UGT8: variants seen among roughly 807,000 people sequenced by gnomAD.
The protein encoded by UGT8 is UDP glycosyltransferase 8.
UGT8 carries 12 observed loss-of-function variants against 40.5 expected under a neutral mutation model. That is an observed-to-expected ratio of 0.30 (90% CI 0.19 to 0.48). The LOEUF (loss-of-function observed/expected upper bound fraction) is 0.48. UGT8 is among the 20% of genes least tolerant of loss of function. The probability of loss-of-function intolerance (pLI) is 0.99; values close to 1 mark genes in which losing one functional copy is unlikely to be tolerated. For missense variants in UGT8, 513 were observed against 648.7 expected, an observed-to-expected ratio of 0.79 and a Z score of 2.27; for synonymous variants, 224 against 240.4, an observed-to-expected ratio of 0.93 and a Z score of 0.63.
At chr4:114,661,879 AT>A (rs1274642796) in intron 2 of UGT8, among the ~76,000 whole-genome samples, 1 of 152,174 alleles carries the variant, frequency 6.6e-6, no homozygotes, top group Non-Finnish European at 1.5e-5. Context: ...TAAAGGCTAT[AT>A]ATGGTGCTTA....
chr4:114,646,240 C>T (rs1008729309), intron 2 of UGT8, among the ~76,000 whole-genome samples: 5 of 151,808 alleles, frequency 3.3e-5, no homozygotes, highest in African/African-American at 4.8e-5. Flanking sequence ...AAAAGAACCC[C>T]GAATCAGATA....
intron 2 of UGT8, among the ~76,000 whole-genome samples, chr4:114,660,426 C>T (rs1008326962): frequency 1.3e-5 from 2 of 151,960 alleles, no homozygotes; most frequent in African/African-American, 4.8e-5. Context: ...ATGTTTATGC[C>T]ATTAAGTTGT....
At chr4:114,645,132 A>G (rs562360027) in intron 2 of UGT8, among the ~76,000 whole-genome samples, 8 of 152,294 alleles carry the variant, frequency 5.3e-5, no homozygotes, top group African/African-American at 9.6e-5. Context: ...AGAACATTCA[A>G]TGAGCAAAAA....
chr4:114,636,990 CT>C (rs1442378293), intron 2 of UGT8, among the ~76,000 whole-genome samples: 1 of 152,138 alleles, frequency 6.6e-6, no homozygotes, highest in Non-Finnish European at 1.5e-5. Context: ...AACATATTAC[CT>C]TTCAAGCAGT....
At chr4:114,663,958 G>C (rs1237250455) in intron 2 of UGT8, 37 bp from the exon 3 acceptor site, 1 of 1,608,816 alleles carries the variant, frequency 6.2e-7, no homozygotes, top group Non-Finnish European at 8.5e-7. Flanking sequence ...AACTACATTG[G>C]TCTTCGTAAA....
intron 2 of UGT8, among the ~76,000 whole-genome samples, chr4:114,629,382 C>G (rs1331105023): frequency 1.3e-5 from 2 of 152,020 alleles, no homozygotes; most frequent in Non-Finnish European, 2.9e-5. Context: ...ATGTGAGTAC[C>G]TCAAAAGGTT....
In UGT8 at chr4:114,676,864, A is replaced by G. The variant is rs1250430032; in HGVS notation, c.*576A>G. The G allele has an allele frequency of 6.6e-6, 1 of 151,686 alleles. No individual in the cohort carries two copies. Among genetic ancestry groups the G allele is most frequent in the East Asian group, 1.9e-4 (1 of 5,196 alleles). The allele number at this position is 151,686 out of a possible 1,614,324, so 9.4% of individuals were successfully genotyped here. The stretch of plus-strand genomic sequence containing the variant: ...CCCAAAACTGGATGCAGAGGAAGAA[A>G]AAAAAAAAAGAAATGGCACAGTTTT... On this transcript the variant is annotated 3_prime_UTR_variant, in exon 6 of 6. Transcript: ENST00000310836.
intron 2 of UGT8, among the ~76,000 whole-genome samples, chr4:114,633,440 C>T (rs1261115994): frequency 6.6e-6 from 1 of 152,076 alleles, no homozygotes; most frequent in Non-Finnish European, 1.5e-5. Flanking sequence ...AACACCCACC[C>T]CAAAGTGGGA....
intron 2 of UGT8, among the ~76,000 whole-genome samples, chr4:114,656,506 C>G (rs1338643610): frequency 6.6e-6 from 1 of 152,046 alleles, no homozygotes; most frequent in Non-Finnish European, 1.5e-5. Context: ...GCTGTTTATC[C>G]TTTCAAAGAC....
At chr4:114,621,954 C>CT (rs201835954) in intron 1 of UGT8, among the ~76,000 whole-genome samples, 52 of 151,192 alleles carry the variant, frequency 3.4e-4, no homozygotes, top group African/African-American at 9.5e-4. Flanking sequence ...AGAATGCATT[C>CT]TTTTTTTTTA....
rs1044929525 is a variant in UGT8 at position 114,630,868 on chromosome 4, C to A, written c.822+7166C>A. Among the ~76,000 whole-genome samples, 3 of 152,134 alleles carry A rather than the reference C, an allele frequency of 2.0e-5. No homozygotes were observed. In the East Asian group the frequency reaches 5.8e-4, roughly 29 times the overall value. On this transcript the variant is annotated intron_variant, in intron 2 of 5. Transcript: ENST00000310836. ...TTTTTCAGGCCTTTCAGTGGAGGAA[C>A]TGGGACTCCAGCCCCTCTTCTGCTG...
In UGT8 at chr4:114,676,077, A is replaced by G; in HGVS notation, c.1415A>G (p.Tyr472Cys). ...AAVHQISFCQ[Y>C]FLLDIAFVLL... is the part of the protein sequence containing the mutation. Reference sequence around the variant, plus strand: ...GTCCATCAGATCTCCTTTTGTCAGTATTTTTTACTGGATATTGCCTTTGTG... The same window carrying G: ...GTCCATCAGATCTCCTTTTGTCAGTGTTTTTTACTGGATATTGCCTTTGTG... Residue 472 changes from tyrosine to cysteine, a missense_variant, in exon 6 of 6, where the codon TAT becomes TGT. Around this residue, in one of 3 missense-constraint regions of UGT8, gnomAD observed 175 missense variants for 186.7 expected, o/e 0.94. Transcript: ENST00000310836. 1 of 1,614,126 alleles carries G rather than the reference A, an allele frequency of 6.2e-7. No homozygotes were observed. Among genetic ancestry groups the G allele is most frequent in the South Asian group, 1.1e-5 (1 of 91,082 alleles).
chr4:114,667,176 A>G (rs1380794985), intron 4 of UGT8, among the ~76,000 whole-genome samples: 1 of 152,172 alleles, frequency 6.6e-6, no homozygotes, highest in Non-Finnish European at 1.5e-5. Flanking sequence ...AGTCTTCAGA[A>G]TGGAAGAGCT....
intron 2 of UGT8, among the ~76,000 whole-genome samples, chr4:114,641,155 G>A (rs1267342761): frequency 6.6e-6 from 1 of 152,172 alleles, no homozygotes; most frequent in Admixed American, 6.5e-5. Context: ...TTAATAATTT[G>A]TAATGAATCT....
At chr4:114,660,757 TG>T (rs893951243) in intron 2 of UGT8, among the ~76,000 whole-genome samples, 1 of 151,588 alleles carries the variant, frequency 6.6e-6, no homozygotes, top group African/African-American at 2.4e-5. Context: ...CCGGGCGTAG[TG>T]GGGGCACCTG....
rs558043610 is a variant in UGT8 at position 114,637,340 on chromosome 4, C to T, written c.822+13638C>T. Reference sequence around the variant, plus strand: ...TTTCTGATTTGAGAATAAAATAGGCCGGACACATCCCATGTTGCTGTTTAG... The same window carrying T: ...TTTCTGATTTGAGAATAAAATAGGCTGGACACATCCCATGTTGCTGTTTAG... On this transcript the variant is annotated intron_variant, in intron 2 of 5. Coordinates refer to ENST00000310836, the MANE Select transcript of UGT8 (RefSeq NM_001128174.3). 8.5e-5 allele frequency among the ~76,000 whole-genome samples: 13 copies of T among 152,130 alleles called. No homozygotes were observed. The East Asian group carries it at 1.5e-3, about 18-fold the overall frequency.
Position 114,630,000 on chromosome 4 carries a change from G to A in UGT8, c.822+6298G>A, listed in dbSNP as rs558037381. 9.9e-5 allele frequency among the ~76,000 whole-genome samples: 15 copies of A among 152,222 alleles called. No homozygotes were observed. The South Asian group carries it at 3.1e-3, about 32-fold the overall frequency. On this transcript the variant is annotated intron_variant, in intron 2 of 5. Coordinates refer to ENST00000310836, the MANE Select transcript of UGT8 (RefSeq NM_001128174.3). ...TGACAAATTTCTCAATTAAATTACT[G>A]TTGACACCAGTTTTGGGGGATGATA...
In UGT8 at chr4:114,623,391, C is replaced by T. The variant is rs371402834; in HGVS notation, c.511C>T (p.Pro171Ser). ...TTGGTATCCTGCTGAAGTGGGTGCT[C>T]CTGCTCCATTAGCATACGTCCCAGA... ...GLWYPAEVGA[P>S]APLAYVPEFN... Residue 171 changes from proline (P) to serine (S), a missense_variant, in exon 2 of 6, where the codon CCT (proline) becomes TCT (serine). Around this residue, in one of 3 missense-constraint regions of UGT8, gnomAD observed 335 missense variants for 444.8 expected, o/e 0.75. Transcript: ENST00000310836. 3 of 1,614,010 alleles carry T rather than the reference C, an allele frequency of 1.9e-6. No homozygotes were observed. The highest frequency in any genetic ancestry group is 1.3e-5 in the African/African-American group (1 of 74,904).
chr4:114,604,305 T>C (rs145033291), intron 1 of UGT8, among the ~76,000 whole-genome samples: 2 of 152,264 alleles, frequency 1.3e-5, no homozygotes, highest in African/African-American at 4.8e-5. Flanking sequence ...CAGAAAACAA[T>C]ACAGATGATT....
Sources: allele counts gnomAD v4.1 joint callset (sites outside exome capture counted in the v4.1 genomes callset), GRCh38; gene constraint gnomAD v4.1.1; regional missense constraint gnomAD v4.1.1; transcripts MANE v1.5; gene names NCBI Gene and HGNC (gene_info 2026-07-23, HGNC 2026-07-21).